The following PRDM2 variants were observed in gnomAD, a reference collection of about 807,000 sequenced individuals.
The protein encoded by PRDM2 is PR domain zinc finger protein 2.
Under a neutral mutation model 130.0 loss-of-function variants are expected in PRDM2, and 30 were observed. The ratio of observed to expected loss-of-function variants is 0.23; its 90% confidence interval spans 0.17 to 0.31. The LOEUF (loss-of-function observed/expected upper bound fraction) is 0.31. Among genes scored for constraint, PRDM2 ranks in the 10% least tolerant of loss-of-function variants. The pLI is 1.00. For missense variants in PRDM2, 2,011 were observed against 2,108.4 expected (o/e 0.95, Z 0.90); for synonymous variants, 871 against 782.4 (o/e 1.11, Z -1.89).
intron 8 of PRDM2, chr1:13,787,882 TGAGA>T: frequency 2.0e-6 from 2 of 982,614 alleles, no homozygotes; most frequent in South Asian, 4.7e-5. Context: ...AATGTAGCAC[TGAGA>T]GAGAGAGAGG....
At chr1:13,809,627 T>G (rs1570110542) in intron 8 of PRDM2, among the ~76,000 whole-genome samples, 1 of 152,110 alleles carries the variant, frequency 6.6e-6, no homozygotes, top group Admixed American at 6.6e-5. Flanking sequence ...AGGCCAGATG[T>G]GGGCTGGGCG....
chr1:13,823,042 T>G, intron 9 of PRDM2, 117 bp from the exon 10 acceptor site: 1 of 1,000,366 alleles, frequency 1.0e-6, no homozygotes, highest in Non-Finnish European at 1.5e-6. Flanking sequence ...GCTCTATGTA[T>G]GGTATGTTTC....
chr1:13,738,561 C>T (rs113495375), intron 4 of PRDM2, among the ~76,000 whole-genome samples: 2,210 of 152,234 alleles, frequency 0.015, 37 homozygotes, highest in Non-Finnish European at 0.017. Flanking sequence ...TTCAAGGGCT[C>T]GAGAGGCCAA....
At chr1:13,784,896 A>G (rs138369075) in intron 8 of PRDM2, among the ~76,000 whole-genome samples, 223 of 152,350 alleles carry the variant, frequency 1.5e-3, no homozygotes, top group African/African-American at 5.0e-3. Context: ...CCAGGGGTCC[A>G]CTTACCAAGT....
chr1:13,773,073 T>G lies in PRDM2; in HGVS notation c.512-5T>G. ...ATGAATAAATTAAAAAAAATTGTGT[T>G]TCAGGGAAGAAAAAATCCCAGGAAA... On this transcript the variant is annotated splice_region_variant and splice_polypyrimidine_tract_variant and intron_variant, in intron 6 of 9. Transcript: ENST00000311066. 6.8e-7 allele frequency: 1 copy of G among 1,472,904 alleles called. No individual in the cohort carries two copies. Among genetic ancestry groups the G allele is most frequent in the East Asian group, 2.5e-5 (1 of 40,772 alleles). The allele number at this position is 1,472,904 out of a possible 1,614,324, so 91.2% of individuals were successfully genotyped here. A position where few individuals can be genotyped will look rare whatever the true frequency, so the allele number is the denominator to read the frequency against.
chr1:13,734,216 C>A (rs1037939408), intron 4 of PRDM2, among the ~76,000 whole-genome samples: 2 of 152,066 alleles, frequency 1.3e-5, no homozygotes, highest in Non-Finnish European at 2.9e-5. Context: ...AAAAACTGCC[C>A]GGCCAAAAAA....
At position 13,780,196 on chromosome 1, in the gene PRDM2, G is replaced by A; in HGVS notation, c.2401G>A (p.Asp801Asn). 6.2e-7 allele frequency: 1 copy of A among 1,601,080 alleles called. No individual in the cohort carries two copies. Among genetic ancestry groups the A allele is most frequent in the East Asian group, 2.2e-5 (1 of 44,724 alleles). Residue 801 changes from aspartate to asparagine, a missense_variant, in exon 8 of 10, where the codon GAT (aspartate) becomes AAT (asparagine). By Grantham distance (23) the Asp-to-Asn change is conservative. This residue lies in a region of PRDM2 where 1,288 missense variants were observed against 1,237.7 expected (regional missense o/e 1.04). Coordinates refer to ENST00000311066, the MANE Select transcript of PRDM2 (RefSeq NM_001393986.1). Reference sequence around the variant, plus strand: ...AGAAACTGTGAGCCCTCCATGCTTTGATGAATATAAAATGTCTAAAGAGTG... The same window carrying A: ...AGAAACTGTGAGCCCTCCATGCTTTAATGAATATAAAATGTCTAAAGAGTG... ...ERETVSPPCF[D>N]EYKMSKEWTA...
At chr1:13,742,598 T>A (rs1318996633) in intron 5 of PRDM2, among the ~76,000 whole-genome samples, 1 of 152,204 alleles carries the variant, frequency 6.6e-6, no homozygotes, top group Non-Finnish European at 1.5e-5. Flanking sequence ...TCCACACTCT[T>A]AAGGTTCTGT....
At position 13,732,899 on chromosome 1, in the gene PRDM2, ATTCT is replaced by A. The variant is rs1643153851; in HGVS notation, c.231+20_231+23del. On this transcript the variant is annotated intron_variant, in intron 4 of 9. Coordinates refer to ENST00000311066, the MANE Select transcript of PRDM2 (RefSeq NM_001393986.1). ...ATGTGGGAGGTAAGAAGTAATTCTG[ATTCT>A]TTGTTTTTCAGAGTTTTATGAAATA... 1 of 1,454,718 alleles carries A rather than the reference ATTCT, an allele frequency of 6.9e-7. No individual in the cohort carries two copies. The highest frequency in any genetic ancestry group is 1.4e-5 in the African/African-American group (1 of 69,484). 90.1% of individuals were successfully genotyped at this position (1,454,718 alleles called of 1,614,324 possible).
In PRDM2 at chr1:13,779,403, C is replaced by T; in HGVS notation, c.1608C>T (p.Asn536=). The T allele has an allele frequency of 5.0e-6, 8 of 1,614,082 alleles. No individual in the cohort carries two copies. The highest frequency in any genetic ancestry group is 6.8e-6 in the Non-Finnish European group (8 of 1,180,026). ...PPAEQAQATQ[N]VYVPSTEPEE... ...CAGAACAGGCCCAGGCCACCCAGAA[C>T]GTGTATGTACCAAGCACAGAGCCGG... The change falls in exon 8 of 10, where the codon AAC becomes AAT. Residue 536 remains asparagine (N), a synonymous_variant. Transcript: ENST00000311066. The surrounding 1 kb of genome is among the most constrained non-coding windows in gnomAD (Gnocchi z 4.9).
In PRDM2 at chr1:13,780,365, G is replaced by T; in HGVS notation, c.2570G>T (p.Cys857Phe). ...GATCTCAGTGTGCATAAAAAGCATT[G>T]TAGTGACTCTGAAGGCAAGGAATTC... ...VLDLSVHKKH[C>F]SDSEGKEFKE... Residue 857 changes from cysteine to phenylalanine, a missense_variant, in exon 8 of 10, where the codon TGT becomes TTT. Cys to Phe is a radical substitution (Grantham distance 205, BLOSUM62 -2). Around this residue, in one of 5 missense-constraint regions of PRDM2, gnomAD observed 1,288 missense variants for 1,237.7 expected, o/e 1.04. Coordinates refer to ENST00000311066, the MANE Select transcript of PRDM2 (RefSeq NM_001393986.1). 6.2e-7 allele frequency: 1 copy of T among 1,614,186 alleles called. No individual in the cohort carries two copies. The highest frequency in any genetic ancestry group is 1.6e-4 in the Middle Eastern group (1 of 6,062).
intron 2 of PRDM2, among the ~76,000 whole-genome samples, chr1:13,729,477 G>A (rs1643029988): frequency 6.6e-6 from 1 of 152,122 alleles, no homozygotes; most frequent in Admixed American, 6.5e-5. Context: ...AGCTTAGGAT[G>A]CCAATGCCAA....
chr1:13,710,777 T>C (rs1642344040), intron 1 of PRDM2, among the ~76,000 whole-genome samples: 1 of 152,138 alleles, frequency 6.6e-6, no homozygotes, highest in Non-Finnish European at 1.5e-5. Context: ...AGGCACTTAA[T>C]TGTTTAGCAC....
At position 13,779,839 on chromosome 1, in the gene PRDM2, G is replaced by A. The variant is rs767066335; in HGVS notation, c.2044G>A (p.Glu682Lys). ...AACAGAGGCAGTGTCTTTCCACAAA[G>A]AGAAAAGTGTTTATTTGTCATCAAA... ...STTEAVSFHKEKSVYLSSKLK... is the reference protein window; with the variant it reads ...STTEAVSFHKKKSVYLSSKLK... Residue 682 changes from glutamate (E) to lysine (K), a missense_variant, in exon 8 of 10, where the codon GAG becomes AAG. Physicochemically the swap from Glu to Lys is moderately conservative, Grantham distance 56. This residue lies in a region of PRDM2 where 1,288 missense variants were observed against 1,237.7 expected (regional missense o/e 1.04). Coordinates refer to ENST00000311066, the MANE Select transcript of PRDM2 (RefSeq NM_001393986.1). This position sits in a 1 kb window ranked among gnomAD's most constrained non-coding sequence, Gnocchi z 4.9. The A allele has an allele frequency of 1.2e-6, 2 of 1,614,204 alleles. No individual in the cohort carries two copies. The highest frequency in any genetic ancestry group is 2.2e-5 in the South Asian group (2 of 91,084).
chr1:13,824,219 G>A lies in PRDM2; in HGVS notation c.*1084G>A, dbSNP rs2744680. ...TTTGTGCCTTTGGGGCAGACCCCAG[G>A]CAAGGATGTCTGAGACCACTTGGGC... On this transcript the variant is annotated 3_prime_UTR_variant, in exon 10 of 10. Transcript: ENST00000311066. The A allele has an allele frequency of 0.84, 127,347 of 152,148 alleles. 53,357 individuals carry two copies. The highest frequency in any genetic ancestry group is 0.87 in the Middle Eastern group (254 of 292). The allele number at this position is 152,148 out of a possible 1,614,324, so 9.4% of individuals were successfully genotyped here.
intron 6 of PRDM2, among the ~76,000 whole-genome samples, chr1:13,761,371 GA>G (rs1276801758): frequency 6.6e-6 from 1 of 152,032 alleles, no homozygotes; most frequent in East Asian, 1.9e-4. Context: ...GTGAAATCAG[GA>G]AAAAAACAAA....
chr1:13,706,049 C>G (rs1305925465), intron 1 of PRDM2, among the ~76,000 whole-genome samples: 2 of 151,034 alleles, frequency 1.3e-5, no homozygotes, highest in African/African-American at 4.9e-5. Context: ...CTACTCCTGA[C>G]TGCTCTGTCT....
chr1:13,720,647 G>A (rs913063680), intron 2 of PRDM2, among the ~76,000 whole-genome samples: 7 of 152,180 alleles, frequency 4.6e-5, no homozygotes, highest in Middle Eastern at 3.2e-3. Context: ...GTAACTTACC[G>A]TGTTTCATAT....
At chr1:13,819,323 G>A (rs938076573) in intron 9 of PRDM2, among the ~76,000 whole-genome samples, 1 of 152,230 alleles carries the variant, frequency 6.6e-6, no homozygotes, top group Non-Finnish European at 1.5e-5. Flanking sequence ...TGTCCTAGGT[G>A]ATGGCCTTCT....
Sources: allele counts gnomAD v4.1 joint callset (sites outside exome capture counted in the v4.1 genomes callset), GRCh38; gene constraint gnomAD v4.1.1; regional missense constraint gnomAD v4.1.1; non-coding constraint Gnocchi (gnomAD v3.1); transcripts MANE v1.5; gene names NCBI Gene and HGNC (gene_info 2026-07-23, HGNC 2026-07-21).